DBF4: variants seen among roughly 807,000 people sequenced by gnomAD.
DBF4 encodes DBF4-CDC7 kinase regulatory subunit.
A neutral mutation model predicts 76.6 loss-of-function variants in DBF4; 25 were observed. The ratio of observed to expected loss-of-function variants is 0.33; its 90% confidence interval spans 0.24 to 0.46. DBF4 has a LOEUF of 0.46. DBF4 is among the 20% of genes least tolerant of loss of function. The probability of loss-of-function intolerance (pLI) is 1.00; values close to 1 mark genes in which losing one functional copy is unlikely to be tolerated. For synonymous variants in DBF4, 213 were observed against 258.0 expected (o/e 0.83, Z 1.67); for missense variants, 638 against 760.8 (o/e 0.84, Z 1.90).
intron 2 of DBF4, among the ~76,000 whole-genome samples, chr7:87,882,940 A>G (rs926479358): frequency 6.6e-6 from 1 of 152,190 alleles, no homozygotes; most frequent in African/African-American, 2.4e-5. Flanking sequence ...ATGATTTTGC[A>G]ATTCCATTTC....
In DBF4 at chr7:87,908,033, T is replaced by G. The variant is rs759267706; in HGVS notation, c.1895T>G (p.Leu632Trp). 27 of 1,613,702 alleles carry G rather than the reference T, an allele frequency of 1.7e-5. No individual in the cohort carries two copies. In the East Asian group the frequency reaches 2.7e-4, roughly 16 times the overall value. Residue 632 changes from leucine to tryptophan, a missense_variant, in exon 12 of 12, where the codon TTG (leucine) becomes TGG (tryptophan). Transcript: ENST00000265728. ...ACTAGTGAAGAGAAATCAGAATTTT[T>G]GGGTTTCACAAGCTACACAGAAAAG... ...FQTSEEKSEF[L>W]GFTSYTEKSG...
In DBF4 at chr7:87,900,751, T is replaced by G. The variant is rs772445742; in HGVS notation, c.810-13T>G. On this transcript the variant is annotated splice_polypyrimidine_tract_variant and intron_variant, in intron 9 of 11. Transcript: ENST00000265728. ...TCAGCAGTTAATTCTTTACCATGTA[T>G]GTCTGTCATCAGAATCCAAACAGAT... 2 of 1,602,566 alleles carry G rather than the reference T, an allele frequency of 1.2e-6. No homozygotes were observed. The highest frequency in any genetic ancestry group is 2.2e-5 in the East Asian group (1 of 44,730).
intron 8 of DBF4, among the ~76,000 whole-genome samples, chr7:87,898,058 G>A (rs1352479011): frequency 1.3e-5 from 2 of 152,176 alleles, no homozygotes; most frequent in African/African-American, 2.4e-5. Flanking sequence ...GATTACAGGC[G>A]TGAGCCACTG....
At chr7:87,887,247 C>T (rs1354250924) in intron 4 of DBF4, 82 bp from the exon 5 acceptor site, 8 of 1,132,316 alleles carry the variant, frequency 7.1e-6, no homozygotes, top group Non-Finnish European at 1.0e-5. Context: ...TGACATTAAA[C>T]TTCAAATAAT....
intron 6 of DBF4, among the ~76,000 whole-genome samples, chr7:87,891,301 T>C (rs1488037438): frequency 6.6e-6 from 1 of 152,054 alleles, no homozygotes; most frequent in Non-Finnish European, 1.5e-5. Context: ...TAATCCTATT[T>C]TCAGAACACA....
chr7:87,882,538 T>C (rs1839242158), intron 2 of DBF4, among the ~76,000 whole-genome samples: 1 of 152,210 alleles, frequency 6.6e-6, no homozygotes, highest in Non-Finnish European at 1.5e-5. Context: ...CGCACAGAAT[T>C]GCAGGAAATC....
At chr7:87,893,368 C>T (rs550791968) in intron 6 of DBF4, among the ~76,000 whole-genome samples, 35 of 151,648 alleles carry the variant, frequency 2.3e-4, no homozygotes, top group African/African-American at 8.5e-4. Flanking sequence ...GCCTCAGCCT[C>T]CCGAGTAGCT....
chr7:87,891,030 G>C (rs1839472387), intron 6 of DBF4, among the ~76,000 whole-genome samples: 1 of 152,054 alleles, frequency 6.6e-6, no homozygotes, highest in Admixed American at 6.5e-5. Context: ...TAAGAGTCTT[G>C]AATGGACATG....
chr7:87,888,171 T>A, intron 6 of DBF4, 112 bp downstream of exon 6: 3 of 1,327,800 alleles, frequency 2.3e-6, no homozygotes, highest in Non-Finnish European at 2.9e-6. Flanking sequence ...CTGTGTATGA[T>A]GTGCCTGTTT....
At chr7:87,905,748 G>GT (rs1002381180) in intron 11 of DBF4, among the ~76,000 whole-genome samples, 2 of 152,104 alleles carry the variant, frequency 1.3e-5, no homozygotes, top group African/African-American at 4.8e-5. Flanking sequence ...TAACCAGAAA[G>GT]TTTTTTTACT....
At chr7:87,888,905 T>G (rs2131052887) in intron 6 of DBF4, among the ~76,000 whole-genome samples, 2 of 152,344 alleles carry the variant, frequency 1.3e-5, no homozygotes, top group East Asian at 1.9e-4. Context: ...ACCATTCTTT[T>G]GTGGCCTACT....
rs938510316 is a variant in DBF4, at chr7:87,888,405, A to G, written c.597+346A>G. 6.2e-6 allele frequency: 5 copies of G among 808,044 alleles called. No individual in the cohort carries two copies. The Admixed American group carries it at 2.5e-4, about 40-fold the overall frequency. 50.1% of individuals were successfully genotyped at this position (808,044 alleles called of 1,614,324 possible). A position where few individuals can be genotyped will look rare whatever the true frequency, so the allele number is the denominator to read the frequency against. ...ACTTCTTTTTGGAATATAAATATGT[A>G]CTATCCTTTTCAACTGCTCTAAATG... is the stretch of plus-strand genomic sequence containing the variant. On this transcript the variant is annotated intron_variant, in intron 6 of 11. Transcript: ENST00000265728.
chr7:87,900,958 T>C, intron 10 of DBF4, 80 bp downstream of exon 10: 1 of 1,171,314 alleles, frequency 8.5e-7, no homozygotes, highest in Non-Finnish European at 1.2e-6. Context: ...GTTATTCTGA[T>C]GCAGATATTT....
intron 2 of DBF4, among the ~76,000 whole-genome samples, chr7:87,879,414 A>C (rs1251129118): frequency 6.6e-6 from 1 of 152,204 alleles, no homozygotes; most frequent in East Asian, 1.9e-4. Flanking sequence ...ATTTATGGTA[A>C]TGATCATATG....
chr7:87,904,322 GCA>G lies in DBF4; in HGVS notation c.958_959del (p.Gln320GlufsTer2). ...TCTAAGTGAGCAACACAGAAACTTT[GCA>G]CAGAGTAACCAGTATCAAGTTGTTG... ...HLLSEQHRNF[A>X]QSNQYQVVDD... is the part of the protein sequence containing the mutation. On this transcript the variant is annotated frameshift_variant, in exon 11 of 12. Transcript: ENST00000265728. LOFTEE classifies it high-confidence loss of function. 1.2e-6 allele frequency: 2 copies of G among 1,612,662 alleles called. No individual in the cohort carries two copies. The highest frequency in any genetic ancestry group is 1.7e-6 in the Non-Finnish European group (2 of 1,179,610).
At position 87,909,442 on chromosome 7, in the gene DBF4, T is replaced by G. The variant is rs1045445055; in HGVS notation, c.*1279T>G. On this transcript the variant is annotated 3_prime_UTR_variant, in exon 12 of 12. Coordinates refer to ENST00000265728, the MANE Select transcript of DBF4 (RefSeq NM_006716.4). The stretch of plus-strand genomic sequence containing the variant: ...TCATATGCTTTTCCTGCATACATTA[T>G]TTTGATCATTTGGATAACATCAATG... 3.9e-5 allele frequency: 6 copies of G among 152,218 alleles called. No individual in the cohort carries two copies. Among genetic ancestry groups the G allele is most frequent in the African/African-American group, 1.2e-4 (5 of 41,456 alleles). 9.4% of individuals were successfully genotyped at this position (152,218 alleles called of 1,614,324 possible).
Position 87,900,683 on chromosome 7 carries a change from G to A in DBF4, c.810-81G>A, listed in dbSNP as rs1259477736. ...TCTCTGCAAATTATGCAGATTGTGTGTGATAGTTTAGGACAATAAATTTTT... is the reference window on the plus strand; with the variant it reads ...TCTCTGCAAATTATGCAGATTGTGTATGATAGTTTAGGACAATAAATTTTT... On this transcript the variant is annotated intron_variant, in intron 9 of 11. Transcript: ENST00000265728. The A allele has an allele frequency of 5.2e-6, 6 of 1,144,434 alleles. No homozygotes were observed. In the Admixed American group the frequency reaches 1.1e-4, roughly 20 times the overall value. The allele number at this position is 1,144,434 out of a possible 1,614,324, so 70.9% of individuals were successfully genotyped here. A position where few individuals can be genotyped will look rare whatever the true frequency, so the allele number is the denominator to read the frequency against.
At chr7:87,906,061 G>T (rs1839905795) in intron 11 of DBF4, among the ~76,000 whole-genome samples, 1 of 152,022 alleles carries the variant, frequency 6.6e-6, no homozygotes, top group African/African-American at 2.4e-5. Flanking sequence ...AGGAGGCTGA[G>T]GCGCAAGAAT....
At chr7:87,904,230 TA>T (rs1562767074) in intron 10 of DBF4, 61 bp from the exon 11 acceptor site, 1 of 1,512,456 alleles carries the variant, frequency 6.6e-7, no homozygotes, top group Non-Finnish European at 8.9e-7. Flanking sequence ...AAACCTTAAT[TA>T]AAAAGGCATC....
Sources: allele counts gnomAD v4.1 joint callset (sites outside exome capture counted in the v4.1 genomes callset), GRCh38; gene constraint gnomAD v4.1.1; transcripts MANE v1.5; gene names NCBI Gene and HGNC (gene_info 2026-07-23, HGNC 2026-07-21).